The following RNF130 variants were observed in gnomAD, a reference collection of about 807,000 sequenced individuals.
RNF130 encodes ring finger protein 130.
A neutral mutation model predicts 44.6 loss-of-function variants in RNF130; 21 were observed. The observed-to-expected ratio is 0.47, with a 90% CI of 0.33 to 0.68. The LOEUF (loss-of-function observed/expected upper bound fraction) is 0.68, where lower values mean the gene tolerates loss of function less well. RNF130 is among the 30% of genes least tolerant of loss of function. The probability of loss-of-function intolerance (pLI) is 0.02; values close to 1 mark genes in which losing one functional copy is unlikely to be tolerated. For synonymous variants in RNF130, 214 were observed against 210.4 expected, an observed-to-expected ratio of 1.02 and a Z score of -0.15; for missense variants, 479 against 560.6, an observed-to-expected ratio of 0.85 and a Z score of 1.47.
At chr5:179,973,220 T>C (rs769701036) in intron 5 of RNF130, among the ~76,000 whole-genome samples, 4 of 152,158 alleles carry the variant, frequency 2.6e-5, no homozygotes, top group Admixed American at 2.0e-4. Context: ...CAAATTCCCA[T>C]GGCACATCCC....
intron 1 of RNF130, among the ~76,000 whole-genome samples, chr5:180,046,161 G>A (rs149961590): frequency 0.015 from 2,244 of 152,300 alleles, 31 homozygotes; most frequent in Non-Finnish European, 0.021. Flanking sequence ...GGGACCCAGC[G>A]CACCCTCCGC....
chr5:180,057,845 G>A (rs1053234458), intron 1 of RNF130, among the ~76,000 whole-genome samples: 13 of 152,120 alleles, frequency 8.5e-5, no homozygotes, highest in African/African-American at 2.4e-4. Context: ...GGGCGTTACG[G>A]GAACCTCCTG....
At chr5:179,969,041 A>T (rs2113706248) in intron 6 of RNF130, among the ~76,000 whole-genome samples, 1 of 152,256 alleles carries the variant, frequency 6.6e-6, no homozygotes, top group Admixed American at 6.5e-5. Flanking sequence ...AAATAAGATG[A>T]CTTCGATCTC....
rs1761846508 is a variant in RNF130, at chr5:179,933,779, T to C, written c.1151-13353A>G. ...CGCAAGCGATTCACCTAGGCAGCAT[T>C]TTAATTTTAAGTATGTATTACATCA... is the stretch of plus-strand genomic sequence containing the variant. On this transcript the variant is annotated intron_variant, in intron 7 of 7. Transcript: ENST00000522208. 3.7e-5 allele frequency: 21 copies of C among 570,732 alleles called. 1 individual carries two copies. Among genetic ancestry groups the C allele is most frequent in the South Asian group, 3.0e-4 (18 of 59,200 alleles). The allele number at this position is 570,732 out of a possible 1,614,324, so 35.4% of individuals were successfully genotyped here.
chr5:179,953,712 A>T (rs113492228), downstream of RNF130, among the ~76,000 whole-genome samples: 852 of 152,330 alleles, frequency 5.6e-3, 10 homozygotes, highest in African/African-American at 0.019. Context: ...TAGGTAATAC[A>T]TTCTTAGACA....
chr5:179,968,698 T>C (rs1326300511), intron 6 of RNF130, among the ~76,000 whole-genome samples: 1 of 149,580 alleles, frequency 6.7e-6, no homozygotes, highest in South Asian at 2.1e-4. Context: ...AGAGAGAAAG[T>C]TTCTACACTG....
At chr5:180,034,574 T>C (rs1225983135) in intron 2 of RNF130, among the ~76,000 whole-genome samples, 2 of 123,058 alleles carry the variant, frequency 1.6e-5, no homozygotes, top group East Asian at 4.8e-4. Context: ...TGACAATCTG[T>C]ATATTTTTAG....
chr5:180,025,429 A>ACTTG (rs1401718781), intron 2 of RNF130, among the ~76,000 whole-genome samples: 5 of 152,230 alleles, frequency 3.3e-5, no homozygotes, highest in Admixed American at 6.5e-5. Context: ...GGACACGGAG[A>ACTTG]CTGCAAGGAA....
chr5:179,971,400 T>C (rs113897224), intron 5 of RNF130, among the ~76,000 whole-genome samples: 4,340 of 152,290 alleles, frequency 0.028, 209 homozygotes, highest in African/African-American at 0.097. Flanking sequence ...GACGGAGTCT[T>C]GCTCTGTCGC....
chr5:180,040,649 T>A lies in RNF130; in HGVS notation c.248-2A>T. 6.2e-7 allele frequency: 1 copy of A among 1,608,190 alleles called. No homozygotes were observed. The highest frequency in any genetic ancestry group is 1.7e-5 in the Admixed American group (1 of 58,562). On this transcript the variant is annotated splice_acceptor_variant, in intron 1 of 8. Coordinates refer to ENST00000521389, the MANE Select transcript of RNF130 (RefSeq NM_018434.6). LOFTEE classifies it high-confidence loss of function. ...GATCACAGCCCAGATGATCAGCAACTGAAAAGAAAAAGAAATACACACATT... is the reference window on the plus strand; with the variant it reads ...GATCACAGCCCAGATGATCAGCAACAGAAAAGAAAAAGAAATACACACATT...
At chr5:179,935,197 C>T (rs1163994681) in intron 7 of RNF130, among the ~76,000 whole-genome samples, 3 of 151,988 alleles carry the variant, frequency 2.0e-5, no homozygotes, top group African/African-American at 4.8e-5. Context: ...AACTTAATTC[C>T]GCTGGTCAGA....
intron 7 of RNF130, chr5:179,933,818 C>A: frequency 1.4e-6 from 1 of 739,514 alleles, no homozygotes; most frequent in Non-Finnish European, 2.3e-6. Context: ...GATAAAGAAT[C>A]CCAGGATTTT....
At chr5:180,017,119 C>G (rs1036968621) in intron 2 of RNF130, among the ~76,000 whole-genome samples, 1 of 152,206 alleles carries the variant, frequency 6.6e-6, no homozygotes, top group African/African-American at 2.4e-5. Context: ...GTTCCTCAGT[C>G]ACTTCCGGTC....
intron 3 of RNF130, among the ~76,000 whole-genome samples, chr5:180,012,785 T>C (rs1432442016): frequency 6.6e-6 from 1 of 152,206 alleles, no homozygotes. Context: ...CTTTGTGCTA[T>C]TTCTCCAAAT....
At chr5:179,960,605 C>T (rs1048907515) in intron 8 of RNF130, among the ~76,000 whole-genome samples, 2 of 152,174 alleles carry the variant, frequency 1.3e-5, no homozygotes, top group Non-Finnish European at 2.9e-5. Flanking sequence ...ACATCTTGCC[C>T]ACAGGGTTTC....
intron 2 of RNF130, among the ~76,000 whole-genome samples, chr5:180,016,346 G>A (rs1358435878): frequency 2.6e-5 from 4 of 152,138 alleles, no homozygotes; most frequent in African/African-American, 7.2e-5. Context: ...CCAGTTTCAC[G>A]CCAAAGGAAA....
intron 7 of RNF130, among the ~76,000 whole-genome samples, chr5:179,946,859 G>T (rs886311006): frequency 1.3e-5 from 2 of 152,138 alleles, no homozygotes; most frequent in African/African-American, 2.4e-5. Flanking sequence ...CAGCACCATA[G>T]GGGATCTTTT....
chr5:180,065,176 T>G (rs1356712976), intron 1 of RNF130, among the ~76,000 whole-genome samples: 3 of 152,146 alleles, frequency 2.0e-5, no homozygotes, highest in African/African-American at 7.2e-5. Flanking sequence ...TCGTTCCTGG[T>G]TGTCCCCTTC....
At chr5:180,047,387 T>C (rs1027582240) in intron 1 of RNF130, among the ~76,000 whole-genome samples, 12 of 152,260 alleles carry the variant, frequency 7.9e-5, no homozygotes, top group African/African-American at 2.7e-4. Flanking sequence ...GCTTCTACAC[T>C]TTCACTTAAA....
Sources: gnomAD v4.1 joint callset for allele counts (sites outside exome capture counted in the v4.1 genomes callset) on GRCh38, gnomAD v4.1.1 for gene constraint, MANE v1.5 for transcripts, NCBI Gene and HGNC (gene_info 2026-07-23, HGNC 2026-07-21) for gene names.